Variants in MAP6 observed in about 807,000 individuals in gnomAD.
MAP6 encodes microtubule associated protein 6, also known as microtubule-associated protein 6.
Under a neutral mutation model 42.4 loss-of-function variants are expected in MAP6, and 26 were observed. That is an observed-to-expected ratio of 0.61 (90% confidence interval 0.45 to 0.85). MAP6 has a LOEUF of 0.85. MAP6 is among the 40% of genes least tolerant of loss of function. MAP6 has a pLI of 0.00. For synonymous variants in MAP6, 418 were observed against 443.8 expected (o/e 0.94, Z 0.73); for missense variants, 966 against 1,099.0 (o/e 0.88, Z 1.71).
chr11:75,610,076 C>T (rs1449104529), intron 1 of MAP6, among the ~76,000 whole-genome samples: 1 of 152,206 alleles, frequency 6.6e-6, no homozygotes, highest in African/African-American at 2.4e-5. Flanking sequence ...GCCCCCTCGC[C>T]ATGTGACACC....
intron 1 of MAP6, among the ~76,000 whole-genome samples, chr11:75,664,832 AT>A (rs1264613925): frequency 6.6e-6 from 1 of 152,140 alleles, no homozygotes; most frequent in East Asian, 1.9e-4. Flanking sequence ...TTATTTCTTT[AT>A]ATCTACTTTC....
chr11:75,623,426 A>C (rs1157848599), intron 1 of MAP6, among the ~76,000 whole-genome samples: 2 of 152,196 alleles, frequency 1.3e-5, no homozygotes, highest in East Asian at 3.8e-4. Flanking sequence ...ATTTTATGTT[A>C]TGTGAATGAT....
intron 1 of MAP6, among the ~76,000 whole-genome samples, chr11:75,608,967 CTG>C (rs1942834345): frequency 1.3e-5 from 2 of 152,336 alleles, no homozygotes; most frequent in Admixed American, 1.3e-4. Context: ...GCAACACAGA[CTG>C]AACATAATTT....
chr11:75,592,166 T>TCC lies in MAP6; in HGVS notation c.1317-3984_1317-3983dup, dbSNP rs757258983. Among the ~76,000 whole-genome samples, 38 of 152,248 alleles carry TCC rather than the reference T, an allele frequency of 2.5e-4. 1 individual carries two copies. Among genetic ancestry groups the TCC allele is most frequent in the South Asian group, 4.2e-4 (2 of 4,814 alleles). ...CCTGTCCTTGAAGGCTCCGCTCAGC[T>TCC]CCCACCTCCTCCCTGGTCTTCCTGC... On this transcript the variant is annotated intron_variant, in intron 3 of 3. Transcript: ENST00000304771.
intron 1 of MAP6, among the ~76,000 whole-genome samples, chr11:75,640,308 G>A (rs1045570494): frequency 2.6e-5 from 4 of 151,794 alleles, no homozygotes; most frequent in African/African-American, 9.7e-5. Flanking sequence ...CACAAATACT[G>A]CAAGAACAAT....
At chr11:75,654,843 A>G (rs1434665027) in intron 1 of MAP6, among the ~76,000 whole-genome samples, 1 of 152,230 alleles carries the variant, frequency 6.6e-6, no homozygotes, top group Non-Finnish European at 1.5e-5. Context: ...AAGGTCACAC[A>G]GACTTTAAGT....
chr11:75,632,484 G>A (rs663515), intron 1 of MAP6, among the ~76,000 whole-genome samples: 26,907 of 152,002 alleles, frequency 0.18, 2,649 homozygotes, highest in African/African-American at 0.24. Flanking sequence ...ATGCTTGGTT[G>A]TAAGTTAATA....
At chr11:75,603,713 G>T in intron 3 of MAP6, 1 of 985,304 alleles carries the variant, frequency 1.0e-6, no homozygotes, top group Non-Finnish European at 1.2e-6. Context: ...TGTGGCTGTG[G>T]AGACAGATTT....
Position 75,587,430 on chromosome 11 carries a change from C to T in MAP6, c.2071G>A (p.Ala691Thr), listed in dbSNP as rs1942375609. The T allele has an allele frequency of 6.2e-7, 1 of 1,614,028 alleles. No homozygotes were observed. Among genetic ancestry groups the T allele is most frequent in the Admixed American group, 1.7e-5 (1 of 60,006 alleles). Residue 691 changes from alanine (A) to threonine (T), a missense_variant, in exon 4 of 4, where the codon GCA becomes ACA. Coordinates refer to ENST00000304771, the MANE Select transcript of MAP6 (RefSeq NM_033063.2). ...ACAACTGCAGAATCGTGAACCTTTG[C>T]ATGCTCTGGGACTACAACATCTTGA... ...KDQDVVVPEH[A>T]KVHDSAVVAP...
intron 1 of MAP6, among the ~76,000 whole-genome samples, chr11:75,665,924 G>A (rs1399627946): frequency 6.6e-6 from 1 of 152,138 alleles, no homozygotes; most frequent in African/African-American, 2.4e-5. Context: ...GAGAAATGCA[G>A]GGGTAGGAGT....
intron 1 of MAP6, among the ~76,000 whole-genome samples, chr11:75,630,469 T>C (rs937105461): frequency 6.6e-6 from 1 of 152,232 alleles, no homozygotes; most frequent in African/African-American, 2.4e-5. Flanking sequence ...TATAATGTTG[T>C]ATCTTACCTG....
chr11:75,619,034 C>G (rs866751172), intron 1 of MAP6, among the ~76,000 whole-genome samples: 10 of 152,080 alleles, frequency 6.6e-5, no homozygotes, highest in African/African-American at 2.4e-4. Flanking sequence ...GGAGGCTGCT[C>G]TGGAAAAGTC....
At chr11:75,614,835 A>G (rs1291082305) in intron 1 of MAP6, among the ~76,000 whole-genome samples, 1 of 152,244 alleles carries the variant, frequency 6.6e-6, no homozygotes, top group Non-Finnish European at 1.5e-5. Flanking sequence ...GGTTTAAAAT[A>G]CTTGTGTCAT....
chr11:75,605,293 CT>C lies in MAP6; in HGVS notation c.1316+514del, dbSNP rs1436781950. ...ATTGACATTAAGGCCAAGGTTGTTT[CT>C]TTTTTTGTTATTTTTGTTTAATATT... On this transcript the variant is annotated intron_variant, in intron 3 of 3. Coordinates refer to ENST00000304771, the MANE Select transcript of MAP6 (RefSeq NM_033063.2). 6 of 986,036 alleles carry C rather than the reference CT, an allele frequency of 6.1e-6. No individual in the cohort carries two copies. In the East Asian group the frequency reaches 5.7e-4, roughly 93 times the overall value. 61.1% of individuals were successfully genotyped at this position (986,036 alleles called of 1,614,324 possible).
chr11:75,600,067 A>G (rs963362908), intron 3 of MAP6, among the ~76,000 whole-genome samples: 6 of 152,196 alleles, frequency 3.9e-5, no homozygotes, highest in East Asian at 1.9e-4. Context: ...GTTTGCCTCA[A>G]TCAACTTCGT....
At chr11:75,651,143 C>T (rs777476007) in intron 1 of MAP6, among the ~76,000 whole-genome samples, 1 of 152,046 alleles carries the variant, frequency 6.6e-6, no homozygotes, top group African/African-American at 2.4e-5. Context: ...TAGTCATATC[C>T]CCAGAGCCTA....
At chr11:75,618,067 C>A (rs1397181487) in intron 1 of MAP6, among the ~76,000 whole-genome samples, 1 of 148,938 alleles carries the variant, frequency 6.7e-6, no homozygotes, top group Non-Finnish European at 1.5e-5. Flanking sequence ...GGACACAGTA[C>A]GGTACATCTA....
At chr11:75,609,568 C>T (rs556891483) in intron 1 of MAP6, among the ~76,000 whole-genome samples, 4 of 152,318 alleles carry the variant, frequency 2.6e-5, no homozygotes, top group East Asian at 1.9e-4. Context: ...TCTGAGCATT[C>T]GTTTTCTCAT....
At position 75,592,064 on chromosome 11, in the gene MAP6, C is replaced by T. The variant is rs555532918; in HGVS notation, c.1317-3880G>A. On this transcript the variant is annotated intron_variant, in intron 3 of 3. Transcript: ENST00000304771. Reference sequence around the variant, plus strand: ...GGGAACCCCATTTTCCCTGCATCATCCTCTCATGCTGTTTTGCACACTGCC... The same window carrying T: ...GGGAACCCCATTTTCCCTGCATCATTCTCTCATGCTGTTTTGCACACTGCC... Among the ~76,000 whole-genome samples, 11 of 152,390 alleles carry T rather than the reference C, an allele frequency of 7.2e-5. No individual in the cohort carries two copies. In the East Asian group the frequency reaches 1.9e-3, roughly 27 times the overall value.
Sources: allele counts gnomAD v4.1 joint callset (sites outside exome capture counted in the v4.1 genomes callset), GRCh38; gene constraint gnomAD v4.1.1; transcripts MANE v1.5; gene names NCBI Gene and HGNC (gene_info 2026-07-23, HGNC 2026-07-21).